The following CLSTN2 variants were observed in gnomAD, a reference collection of about 807,000 sequenced individuals.
CLSTN2 encodes calsyntenin-2.
A neutral mutation model predicts 101.2 loss-of-function variants in CLSTN2; 48 were observed. The observed-to-expected ratio is 0.47, with a 90% CI of 0.38 to 0.60. The LOEUF is 0.60. Ranked by LOEUF, CLSTN2 falls within the 20% of genes least tolerant of loss-of-function variation. The pLI is 0.00. For missense variants in CLSTN2, 1,160 were observed against 1,238.2 expected (o/e 0.94, Z 0.95); for synonymous variants, 481 against 463.6 (o/e 1.04, Z -0.48).
At chr3:140,346,520 C>A (rs2087547607) in intron 2 of CLSTN2, among the ~76,000 whole-genome samples, 1 of 152,168 alleles carries the variant, frequency 6.6e-6, no homozygotes, top group African/African-American at 2.4e-5. Flanking sequence ...CAGCAGTGGG[C>A]AAATGCTTTA....
At chr3:140,425,421 A>G (rs896442331) in intron 5 of CLSTN2, among the ~76,000 whole-genome samples, 1 of 152,198 alleles carries the variant, frequency 6.6e-6, no homozygotes, top group South Asian at 2.1e-4. Flanking sequence ...TTACCCAGCT[A>G]TGCACAGAAG....
intron 2 of CLSTN2, among the ~76,000 whole-genome samples, chr3:140,302,874 T>A (rs1356036842): frequency 3.9e-5 from 6 of 152,132 alleles, no homozygotes; most frequent in African/African-American, 1.4e-4. Context: ...GGGCTCAGAT[T>A]TCCAAATGAT....
chr3:140,436,491 C>T (rs1000779342), intron 5 of CLSTN2, among the ~76,000 whole-genome samples: 2 of 152,218 alleles, frequency 1.3e-5, no homozygotes, highest in African/African-American at 2.4e-5. Flanking sequence ...TTCTGTGAGG[C>T]AGTGGACATA....
chr3:140,175,308 A>G (rs1418787680), intron 1 of CLSTN2, among the ~76,000 whole-genome samples: 1 of 151,036 alleles, frequency 6.6e-6, no homozygotes, highest in Non-Finnish European at 1.5e-5. Context: ...CAGCTAGTCA[A>G]ATTATTGAAG....
intron 2 of CLSTN2, among the ~76,000 whole-genome samples, chr3:140,360,558 T>C (rs2087719492): frequency 6.6e-6 from 1 of 152,142 alleles, no homozygotes. Flanking sequence ...GAGAACGTGC[T>C]GTGCAACCAG....
At chr3:140,402,026 G>A (rs1483526637) in intron 2 of CLSTN2, among the ~76,000 whole-genome samples, 3 of 152,154 alleles carry the variant, frequency 2.0e-5, no homozygotes, top group Admixed American at 6.5e-5. Context: ...GAGGGGTGGC[G>A]GCGGGGGAGT....
intron 1 of CLSTN2, among the ~76,000 whole-genome samples, chr3:140,011,785 G>A (rs903690662): frequency 6.6e-6 from 1 of 152,014 alleles, no homozygotes; most frequent in Admixed American, 6.6e-5. Flanking sequence ...GGATGGGTAA[G>A]TGTCTGGCAG....
At chr3:140,245,717 A>C (rs1486085624) in intron 2 of CLSTN2, among the ~76,000 whole-genome samples, 1 of 152,202 alleles carries the variant, frequency 6.6e-6, no homozygotes, top group Non-Finnish European at 1.5e-5. Flanking sequence ...CTAGATCACA[A>C]TAAGTAGATC....
intron 2 of CLSTN2, among the ~76,000 whole-genome samples, chr3:140,353,220 AATAT>A (rs1181611832): frequency 2.8e-5 from 4 of 144,112 alleles, no homozygotes; most frequent in Non-Finnish European, 6.0e-5. Flanking sequence ...CAACTAATGG[AATAT>A]ATATATGTAT....
chr3:140,087,537 C>A (rs780979461), intron 1 of CLSTN2, among the ~76,000 whole-genome samples: 1 of 152,194 alleles, frequency 6.6e-6, no homozygotes, highest in Non-Finnish European at 1.5e-5. Flanking sequence ...GTCCACTGAT[C>A]CTTCCCATCA....
At chr3:140,342,476 C>T (rs967948117) in intron 2 of CLSTN2, among the ~76,000 whole-genome samples, 9 of 152,090 alleles carry the variant, frequency 5.9e-5, no homozygotes, top group Middle Eastern at 3.4e-3. Context: ...GATACACTTC[C>T]AGCTTGTGTA....
chr3:140,336,972 G>T (rs555655974), intron 2 of CLSTN2, among the ~76,000 whole-genome samples: 1 of 152,188 alleles, frequency 6.6e-6, no homozygotes, highest in African/African-American at 2.4e-5. Context: ...AACAGGTGAG[G>T]GGAGAACTGA....
intron 1 of CLSTN2, among the ~76,000 whole-genome samples, chr3:140,146,250 G>C (rs1191054084): frequency 1.3e-5 from 2 of 152,226 alleles, no homozygotes; most frequent in Non-Finnish European, 2.9e-5. Flanking sequence ...TATAATAGCT[G>C]GGAGGCCCAA....
At chr3:140,506,189 T>G in intron 8 of CLSTN2, 1 of 152,186 alleles carries the variant, frequency 6.6e-6, no homozygotes, top group East Asian at 1.9e-4. Flanking sequence ...AAAGGAGAAA[T>G]TAAGCATGGA....
At chr3:139,975,151 C>T (rs1337754065) in intron 1 of CLSTN2, among the ~76,000 whole-genome samples, 1 of 152,168 alleles carries the variant, frequency 6.6e-6, no homozygotes, top group African/African-American at 2.4e-5. Flanking sequence ...AACCTCCACC[C>T]TGGGCCTTGA....
chr3:140,309,171 G>A (rs2087141103), intron 2 of CLSTN2, among the ~76,000 whole-genome samples: 1 of 152,122 alleles, frequency 6.6e-6, no homozygotes, highest in African/African-American at 2.4e-5. Flanking sequence ...TTATGATCTT[G>A]ACAAGTGAGA....
chr3:140,511,177 T>C (rs1212843252), intron 8 of CLSTN2, among the ~76,000 whole-genome samples: 1 of 152,224 alleles, frequency 6.6e-6, no homozygotes, highest in Non-Finnish European at 1.5e-5. Context: ...ACTCCATCCA[T>C]GTCGCTGCAA....
chr3:139,956,096 C>A (rs1481437261), intron 1 of CLSTN2, among the ~76,000 whole-genome samples: 1 of 152,170 alleles, frequency 6.6e-6, no homozygotes, highest in Admixed American at 6.5e-5. Context: ...AGTTGGGTCT[C>A]CTGACTTCCC....
chr3:140,079,680 G>A (rs1560088614), intron 1 of CLSTN2, among the ~76,000 whole-genome samples: 1 of 150,824 alleles, frequency 6.6e-6, no homozygotes. Context: ...GAACCCGGGA[G>A]GCAGAGGTTG....
Sources: gnomAD v4.1 joint callset for allele counts (sites outside exome capture counted in the v4.1 genomes callset) on GRCh38, gnomAD v4.1.1 for gene constraint, MANE v1.5 for transcripts, NCBI Gene and HGNC (gene_info 2026-07-23, HGNC 2026-07-21) for gene names.